Variants in RPH3A observed in about 807,000 individuals in gnomAD.
RPH3A encodes rabphilin-3A.
A neutral mutation model predicts 102.2 loss-of-function variants in RPH3A; 48 were observed. That is an observed-to-expected ratio of 0.47 (90% CI 0.37 to 0.60). RPH3A has a LOEUF of 0.60. Among genes scored for constraint, RPH3A ranks in the 20% least tolerant of loss-of-function variants. RPH3A has a pLI of 0.00. For synonymous variants in RPH3A, 310 were observed against 324.3 expected, an observed-to-expected ratio of 0.96 and a Z score of 0.47; for missense variants, 781 against 910.1, an observed-to-expected ratio of 0.86 and a Z score of 1.83.
chr12:112,866,870 G>A lies in RPH3A; in HGVS notation c.444+30G>A, dbSNP rs544620643. ...GTGCCCTGGTCCCACCTGGTGCCTAGATCACCCTCCTTTCTTGGCCAGCTT... is the reference window on the plus strand; with the variant it reads ...GTGCCCTGGTCCCACCTGGTGCCTAAATCACCCTCCTTTCTTGGCCAGCTT... On this transcript the variant is annotated intron_variant, in intron 7 of 21. Coordinates refer to ENST00000389385, the MANE Select transcript of RPH3A (RefSeq NM_001143854.2). The A allele has an allele frequency of 3.4e-4, 529 of 1,565,500 alleles. 2 individuals are homozygous for A. In the East Asian group the frequency reaches 8.5e-3, roughly 25 times the overall value.
At chr12:112,816,510 A>G (rs1168635413) in intron 2 of RPH3A, among the ~76,000 whole-genome samples, 1 of 152,150 alleles carries the variant, frequency 6.6e-6, no homozygotes, top group Non-Finnish European at 1.5e-5. Context: ...TCCAGATAGG[A>G]AAAGGGTAAT....
chr12:112,672,098 T>G (rs144307195), intron 1 of RPH3A, among the ~76,000 whole-genome samples: 1 of 151,608 alleles, frequency 6.6e-6, no homozygotes, highest in Non-Finnish European at 1.5e-5. Context: ...CTCATACAAC[T>G]GTAGGGGTTG....
intron 1 of RPH3A, among the ~76,000 whole-genome samples, chr12:112,593,269 A>C (rs2039492002): frequency 6.6e-6 from 1 of 152,218 alleles, no homozygotes; most frequent in Non-Finnish European, 1.5e-5. Context: ...CTCAGCCTCC[A>C]GAATTGTGAG....
At chr12:112,777,950 A>T (rs1009418058) in intron 1 of RPH3A, among the ~76,000 whole-genome samples, 1 of 152,226 alleles carries the variant, frequency 6.6e-6, no homozygotes, top group African/African-American at 2.4e-5. Context: ...ATAAACCTCA[A>T]CAGTGGTGAA....
chr12:112,644,777 G>A (rs1039825367), intron 1 of RPH3A, among the ~76,000 whole-genome samples: 4 of 152,108 alleles, frequency 2.6e-5, no homozygotes, highest in Non-Finnish European at 5.9e-5. Flanking sequence ...ATATCCACAA[G>A]AAACTCACCT....
At chr12:112,691,522 T>C (rs1161200749) in intron 1 of RPH3A, among the ~76,000 whole-genome samples, 1 of 152,250 alleles carries the variant, frequency 6.6e-6, no homozygotes, top group Non-Finnish European at 1.5e-5. Flanking sequence ...AGTACCCTTT[T>C]GGTGAACACT....
At position 112,737,764 on chromosome 12, in the gene RPH3A, A is replaced by C. The variant is rs190700331; in HGVS notation, c.-139-54379A>C. On this transcript the variant is annotated intron_variant, in intron 1 of 21. Coordinates refer to the RPH3A transcript ENST00000543106. ...AGGACGTGAAGAAGAGTTTCCCTGGACCGAGTCCAATAACTGGAAAAAGAC... is the reference window on the plus strand; with the variant it reads ...AGGACGTGAAGAAGAGTTTCCCTGGCCCGAGTCCAATAACTGGAAAAAGAC... Among the ~76,000 whole-genome samples the C allele has an allele frequency of 1.6e-3, 247 of 152,292 alleles. 2 individuals are homozygous for C. The highest frequency in any genetic ancestry group is 2.6e-4 in the Non-Finnish European group (18 of 68,026).
At chr12:112,837,753 A>G (rs961995167) in intron 4 of RPH3A, 2 of 455,906 alleles carry the variant, frequency 4.4e-6, no homozygotes, top group African/African-American at 2.0e-5. Flanking sequence ...AGAGAAGTTC[A>G]TGACTCCAAA....
At chr12:112,819,641 A>T (rs902754652) in intron 2 of RPH3A, among the ~76,000 whole-genome samples, 11 of 152,218 alleles carry the variant, frequency 7.2e-5, no homozygotes, top group Admixed American at 2.0e-4. Context: ...TGGGTTGGCA[A>T]TTGGGTTGAG....
intron 5 of RPH3A, among the ~76,000 whole-genome samples, chr12:112,860,293 C>T (rs903731573): frequency 2.9e-4 from 44 of 152,328 alleles, no homozygotes; most frequent in African/African-American, 8.7e-4. Context: ...CCACCTCACA[C>T]GCATCCTCTT....
At chr12:112,722,025 A>G (rs1207255870) in intron 1 of RPH3A, among the ~76,000 whole-genome samples, 3 of 152,186 alleles carry the variant, frequency 2.0e-5, no homozygotes, top group African/African-American at 4.8e-5. Context: ...AATTTGATGA[A>G]TGGACTTTAT....
chr12:112,817,727 A>G (rs2041702550), intron 2 of RPH3A, among the ~76,000 whole-genome samples: 1 of 152,110 alleles, frequency 6.6e-6, no homozygotes. Context: ...TTGTCACTGA[A>G]TTTTAATTGT....
At chr12:112,706,428 C>G (rs546806872) in intron 1 of RPH3A, among the ~76,000 whole-genome samples, 41 of 152,282 alleles carry the variant, frequency 2.7e-4, no homozygotes, top group African/African-American at 9.6e-4. Context: ...TCAATGTCTT[C>G]CTTCTATTCT....
At chr12:112,863,939 T>C (rs1035413211) in intron 5 of RPH3A, among the ~76,000 whole-genome samples, 1 of 152,322 alleles carries the variant, frequency 6.6e-6, no homozygotes, top group Admixed American at 6.5e-5. Flanking sequence ...GATCCAGCAC[T>C]GGGCACACAG....
chr12:112,603,954 G>T (rs1331915838), intron 1 of RPH3A, among the ~76,000 whole-genome samples: 2 of 152,164 alleles, frequency 1.3e-5, no homozygotes, highest in Non-Finnish European at 2.9e-5. Flanking sequence ...GGCAGGAGGG[G>T]ACACATTAAC....
At chr12:112,848,789 T>G (rs2042274072) in intron 5 of RPH3A, among the ~76,000 whole-genome samples, 1 of 151,646 alleles carries the variant, frequency 6.6e-6, no homozygotes, top group Non-Finnish European at 1.5e-5. Flanking sequence ...AGGAGTGGCA[T>G]GGGTGTGGGC....
At chr12:112,643,096 A>G (rs1172834038) in intron 1 of RPH3A, among the ~76,000 whole-genome samples, 1 of 152,200 alleles carries the variant, frequency 6.6e-6, no homozygotes, top group Non-Finnish European at 1.5e-5. Flanking sequence ...GAGGTTTGGT[A>G]ACTTGCCCGA....
At chr12:112,774,017 G>A (rs1487075236) in intron 1 of RPH3A, among the ~76,000 whole-genome samples, 7 of 144,038 alleles carry the variant, frequency 4.9e-5, no homozygotes, top group Non-Finnish European at 7.4e-5. Flanking sequence ...CCCGGGAGGC[G>A]GAGGTTGCAG....
Position 112,868,557 on chromosome 12 carries a change from C to T in RPH3A, c.572C>T (p.Ala191Val), listed in dbSNP as rs752527345. 91 of 1,614,036 alleles carry T rather than the reference C, an allele frequency of 5.6e-5. No homozygotes were observed. Among genetic ancestry groups the T allele is most frequent in the Admixed American group, 1.8e-4 (11 of 60,000 alleles). The change falls in exon 8 of 22, where the codon GCT becomes GTT. Residue 191 changes from alanine (A) to valine (V), a missense_variant. This residue lies in a region of RPH3A where 730 missense variants were observed against 810.0 expected (regional missense o/e 0.90). Coordinates refer to ENST00000389385, the MANE Select transcript of RPH3A (RefSeq NM_001143854.2). ...GAGCCTGCTGCCCCTGAACAGCCTG[C>T]TCCTGAGCCCAAGCACCCTGCCCGG... ...VSEPAAPEQP[A>V]PEPKHPARAP...
Sources: gnomAD v4.1 joint callset for allele counts (sites outside exome capture counted in the v4.1 genomes callset) on GRCh38, gnomAD v4.1.1 for gene constraint, gnomAD v4.1.1 regional missense constraint, MANE v1.5 for transcripts, NCBI Gene and HGNC (gene_info 2026-07-23, HGNC 2026-07-21) for gene names.